Variants in USP8 observed in about 807,000 individuals in gnomAD.
USP8 encodes ubiquitin carboxyl-terminal hydrolase 8.
A neutral mutation model predicts 130.0 loss-of-function variants in USP8; 27 were observed. That is an observed-to-expected ratio of 0.21 (90% CI 0.15 to 0.29). The LOEUF is 0.29. USP8 is among the 10% of genes least tolerant of loss of function. USP8 has a pLI of 1.00. For missense variants in USP8, 1,029 were observed against 1,312.2 expected (o/e 0.78, Z 3.33); for synonymous variants, 392 against 444.1 (o/e 0.88, Z 1.48).
Position 50,504,694 on chromosome 15 carries a change from A to T in USP8, c.*5606A>T, listed in dbSNP as rs968452783. ...ATATTAGGACACAGAAAATGAATAA[A>T]CCGGACTGGGCGCGGTGGCTCATGC... On this transcript the variant is annotated 3_prime_UTR_variant, in exon 20 of 20. Transcript: ENST00000307179. 2.6e-5 allele frequency: 4 copies of T among 152,070 alleles called. No homozygotes were observed. The highest frequency in any genetic ancestry group is 9.7e-5 in the African/African-American group (4 of 41,380). 9.4% of individuals were successfully genotyped at this position (152,070 alleles called of 1,614,324 possible).
intron 7 of USP8, among the ~76,000 whole-genome samples, chr15:50,465,786 A>C (rs2051169624): frequency 6.6e-6 from 1 of 152,234 alleles, no homozygotes; most frequent in Non-Finnish European, 1.5e-5. Flanking sequence ...AAAAGAGTAT[A>C]GTCTCTGATG....
At chr15:50,438,001 G>C (rs1224071862) in intron 1 of USP8, among the ~76,000 whole-genome samples, 2 of 152,200 alleles carry the variant, frequency 1.3e-5, no homozygotes, top group Non-Finnish European at 2.9e-5. Flanking sequence ...AAGTGAAAAT[G>C]ATAAAAATGA....
chr15:50,461,938 G>GGA (rs1482796473), intron 5 of USP8, among the ~76,000 whole-genome samples: 82 of 152,206 alleles, frequency 5.4e-4, no homozygotes, highest in African/African-American at 1.9e-3. Context: ...ACACTGAATG[G>GGA]GATAGCCAGA....
At chr15:50,446,617 G>T (rs2050448079) in intron 3 of USP8, among the ~76,000 whole-genome samples, 1 of 152,136 alleles carries the variant, frequency 6.6e-6, no homozygotes, top group African/African-American at 2.4e-5. Context: ...TGAAATTATT[G>T]TAATGTTCAA....
intron 13 of USP8, among the ~76,000 whole-genome samples, 155 bp downstream of exon 13, chr15:50,490,036 A>G (rs1431009435): frequency 2.6e-5 from 4 of 152,204 alleles, no homozygotes; most frequent in Non-Finnish European, 5.9e-5. Flanking sequence ...AGATTTCTCA[A>G]TACCCAACCT....
rs2052765384 is a variant in USP8, at chr15:50,513,502, CAA to C, written c.*14415_*14416del. ...ATCACCTGAGGTCATGAGTTCGAGA[CAA>C]GAGCGAAACTGTCTAAAAAAAAAAA... On this transcript the variant is annotated 3_prime_UTR_variant, in exon 20 of 20. Transcript: ENST00000307179. 2 of 101,004 alleles carry C rather than the reference CAA, an allele frequency of 2.0e-5. No individual in the cohort carries two copies. Among genetic ancestry groups the C allele is most frequent in the African/African-American group, 7.9e-5 (2 of 25,236 alleles). The allele number at this position is 101,004 out of a possible 1,614,324, so 6.3% of individuals were successfully genotyped here. A position where few individuals can be genotyped will look rare whatever the true frequency, so the allele number is the denominator to read the frequency against.
chr15:50,490,759 G>T (rs2052129658), intron 14 of USP8, among the ~76,000 whole-genome samples: 1 of 152,038 alleles, frequency 6.6e-6, no homozygotes, highest in Non-Finnish European at 1.5e-5. Context: ...TGTTAATGTA[G>T]ATATAAAATC....
intron 3 of USP8, among the ~76,000 whole-genome samples, chr15:50,442,606 G>A (rs1018868581): frequency 2.0e-5 from 3 of 151,966 alleles, no homozygotes; most frequent in Admixed American, 1.3e-4. Flanking sequence ...CTAGCTGGGC[G>A]TAGTGGCGGG....
chr15:50,437,016 T>A (rs966883589), intron 1 of USP8, among the ~76,000 whole-genome samples: 1 of 152,012 alleles, frequency 6.6e-6, no homozygotes, highest in African/African-American at 2.4e-5. Flanking sequence ...TTTTTTTAAA[T>A]GTGTATTTTT....
At chr15:50,455,804 G>T (rs1241072833) in intron 4 of USP8, among the ~76,000 whole-genome samples, 1 of 152,158 alleles carries the variant, frequency 6.6e-6, no homozygotes, top group African/African-American at 2.4e-5. Context: ...GGGCTCCTTA[G>T]TATCTGCTGC....
intron 1 of USP8, among the ~76,000 whole-genome samples, chr15:50,428,526 A>G (rs1053108422): frequency 2.6e-5 from 4 of 152,172 alleles, no homozygotes; most frequent in African/African-American, 9.7e-5. Context: ...CCCTATATAT[A>G]CTATGTTTTC....
intron 7 of USP8, among the ~76,000 whole-genome samples, chr15:50,468,083 G>A (rs2051250796): frequency 1.3e-5 from 2 of 151,626 alleles, no homozygotes; most frequent in African/African-American, 2.4e-5. Context: ...TTACAGGCAC[G>A]TGTCACCTTG....
In USP8 at chr15:50,443,521, T is replaced by TTTTTTTAAAGAG; in HGVS notation, c.249+2028_249+2029insTTTTTTAAAGAG. Among the ~76,000 whole-genome samples the TTTTTTTAAAGAG allele has an allele frequency of 2.0e-5, 3 of 152,200 alleles. No homozygotes were observed. In the South Asian group the frequency reaches 6.2e-4, roughly 32 times the overall value. ...TTTTTAAAGACGGAGTCTCACTCTG[T>TTTTTTTAAAGAG]CGCCCAGACTGGAGTGCGGTAGCTC... On this transcript the variant is annotated intron_variant, in intron 3 of 19. Transcript: ENST00000307179.
Position 50,481,659 on chromosome 15 carries a change from A to G in USP8, c.1397A>G (p.His466Arg), listed in dbSNP as rs1566877628. ...ACAGATGAAGAAAAGGCTCGTATTC[A>G]TGCAGAAACTGCTCTTCTAATGGAA... ...MLTDEEKARIHAETALLMEKN... is the reference protein window; with the variant it reads ...MLTDEEKARIRAETALLMEKN... The change falls in exon 11 of 20, where the codon CAT (histidine) becomes CGT (arginine). Residue 466 changes from histidine to arginine, a missense_variant. Coordinates refer to ENST00000307179, the MANE Select transcript of USP8 (RefSeq NM_005154.5). The G allele has an allele frequency of 1.2e-6, 2 of 1,612,930 alleles. No individual in the cohort carries two copies. Among genetic ancestry groups the G allele is most frequent in the East Asian group, 2.2e-5 (1 of 44,870 alleles).
Position 50,477,435 on chromosome 15 carries a change from C to T in USP8, c.1154C>T (p.Ala385Val). Residue 385 changes from alanine (A) to valine (V), a missense_variant, in exon 10 of 20, where the codon GCT (alanine) becomes GTT (valine). By Grantham distance (64) the Ala-to-Val change is moderately conservative. Around this residue, in one of 4 missense-constraint regions of USP8, gnomAD observed 486 missense variants for 522.0 expected, o/e 0.93. Transcript: ENST00000307179. ...LNISTPVEPVAASKSDVSPII... is the reference protein window; with the variant it reads ...LNISTPVEPVVASKSDVSPII... ...ATATCAACTCCAGTTGAACCAGTTGCTGCTTCTAAATCTGATGTTTCACCC... is the reference window on the plus strand; with the variant it reads ...ATATCAACTCCAGTTGAACCAGTTGTTGCTTCTAAATCTGATGTTTCACCC... 6.2e-7 allele frequency: 1 copy of T among 1,614,138 alleles called. No individual in the cohort carries two copies. Among genetic ancestry groups the T allele is most frequent in the Non-Finnish European group, 8.5e-7 (1 of 1,180,012 alleles).
intron 3 of USP8, among the ~76,000 whole-genome samples, chr15:50,448,239 T>C (rs1595917160): frequency 6.6e-6 from 1 of 152,228 alleles, no homozygotes; most frequent in South Asian, 2.1e-4. Flanking sequence ...ATGATTATTA[T>C]AATTTGTAAT....
chr15:50,466,154 T>C (rs11070784), intron 7 of USP8, among the ~76,000 whole-genome samples: 38,014 of 152,112 alleles, frequency 0.25, 5,007 homozygotes, highest in East Asian at 0.46. Context: ...AGCATTCTTA[T>C]GCAGATCCTA....
At chr15:50,477,045 A>C in intron 9 of USP8, 52 bp downstream of exon 9, 1 of 1,583,250 alleles carries the variant, frequency 6.3e-7, no homozygotes, top group South Asian at 1.2e-5. Flanking sequence ...ATATGGTTTA[A>C]AATTGTTTTC....
intron 4 of USP8, among the ~76,000 whole-genome samples, chr15:50,457,920 A>G (rs1315928710): frequency 6.6e-6 from 1 of 152,068 alleles, no homozygotes; most frequent in Non-Finnish European, 1.5e-5. Context: ...AAATGTAAAG[A>G]TACAATAAAG....
Sources: gnomAD v4.1 joint callset for allele counts (sites outside exome capture counted in the v4.1 genomes callset) on GRCh38, gnomAD v4.1.1 for gene constraint, gnomAD v4.1.1 regional missense constraint, MANE v1.5 for transcripts, NCBI Gene and HGNC (gene_info 2026-07-23, HGNC 2026-07-21) for gene names.